The following C19orf12 variants were observed in gnomAD, a reference collection of about 807,000 sequenced individuals.
C19orf12 encodes the protein protein C19orf12.
A neutral mutation model predicts 3.8 loss-of-function variants in C19orf12; 2 were observed. The observed-to-expected ratio is 0.53, with a 90% confidence interval of 0.22 to 1.66. The LOEUF (loss-of-function observed/expected upper bound fraction) is 1.66, where lower values mean the gene tolerates loss of function less well. Ranked by LOEUF, C19orf12 falls within the 40% of genes most tolerant of loss-of-function variation. The pLI is 0.20. For synonymous variants in C19orf12, 89 were observed against 84.6 expected (o/e 1.05, Z -0.28); for missense variants, 156 against 188.8 (o/e 0.83, Z 1.02).
At chr19:29,703,378 C>CTT (rs1165470646) in intron 2 of C19orf12, among the ~76,000 whole-genome samples, 27 of 128,392 alleles carry the variant, frequency 2.1e-4, no homozygotes, top group South Asian at 1.3e-3. Flanking sequence ...TTTTTCTTTT[C>CTT]TTTTTTTTTT....
intron 2 of C19orf12, among the ~76,000 whole-genome samples, chr19:29,704,747 C>G (rs569940961): frequency 6.6e-6 from 1 of 152,286 alleles, no homozygotes; most frequent in Non-Finnish European, 1.5e-5. Context: ...TTGGGCCTTA[C>G]CCGGCCTCTC....
At chr19:29,712,866 G>C (rs189348017) in intron 1 of C19orf12, among the ~76,000 whole-genome samples, 1 of 152,300 alleles carries the variant, frequency 6.6e-6, no homozygotes, top group Non-Finnish European at 1.5e-5. Flanking sequence ...GTTTCACTGA[G>C]ACACAAGCCC....
chr19:29,714,172 T>A (rs1350204851), intron 1 of C19orf12, among the ~76,000 whole-genome samples: 1 of 152,080 alleles, frequency 6.6e-6, no homozygotes, highest in Non-Finnish European at 1.5e-5. Flanking sequence ...ACAGGTGCTA[T>A]TCCAAGATGG....
At chr19:29,706,540 C>T (rs1972385549) in intron 2 of C19orf12, among the ~76,000 whole-genome samples, 1 of 152,162 alleles carries the variant, frequency 6.6e-6, no homozygotes, top group Non-Finnish European at 1.5e-5. Flanking sequence ...AGCTATATGA[C>T]AAAATGATCC....
rs377437841 is a variant in C19orf12, at chr19:29,707,440, A to G, written c.160+814T>C. Among the ~76,000 whole-genome samples the G allele has an allele frequency of 2.2e-4, 34 of 152,354 alleles. No homozygotes were observed. In the East Asian group the frequency reaches 3.3e-3, roughly 15 times the overall value. On this transcript the variant is annotated intron_variant, in intron 2 of 2. Coordinates refer to ENST00000323670, the MANE Select transcript of C19orf12 (RefSeq NM_031448.6). The stretch of plus-strand genomic sequence containing the variant: ...GGCAGTTCTTTTGGTGGTCTCTTTC[A>G]GAACAAGGGAGCTCTCTCAGAGTGA...
At chr19:29,698,908 A>C (rs1971926408), downstream of C19orf12, 1 of 383,894 alleles carries the variant, frequency 2.6e-6, no homozygotes, top group Non-Finnish European at 5.2e-6. Context: ...CAGCAATTTC[A>C]CTTTGAGGAA....
chr19:29,715,485 C>T (rs1444954225), upstream of C19orf12: 1 of 360,300 alleles, frequency 2.8e-6, no homozygotes, highest in Non-Finnish European at 5.7e-6. Context: ...GTCCTGGGAA[C>T]CGCAAGGCCG....
intron 1 of C19orf12, among the ~76,000 whole-genome samples, chr19:29,713,699 C>A (rs1050595916): frequency 2.0e-5 from 3 of 152,152 alleles, no homozygotes; most frequent in African/African-American, 7.2e-5. Flanking sequence ...ATTTAAAAAT[C>A]AGGAGATTTT....
rs1319646022 is a variant in C19orf12 at position 29,702,842 on chromosome 19, A to T, written c.296T>A (p.Leu99Gln). 6.2e-7 allele frequency: 1 copy of T among 1,614,072 alleles called. No homozygotes were observed. ...FNEAAAIIRH[L>Q]EWTDAVQLTA... ...CAGCTGCACGGCGTCCGTCCACTCC[A>T]GGTGCCTGATGATGGCTGCGGCTTC... The change falls in exon 3 of 3, where the codon CTG (leucine) becomes CAG (glutamine). Residue 99 changes from leucine to glutamine, a missense_variant. Leu to Gln is a moderately radical substitution (Grantham distance 113). Transcript: ENST00000323670.
chr19:29,700,785 G>A lies in C19orf12; in HGVS notation c.*1927C>T, dbSNP rs975245947. On this transcript the variant is annotated 3_prime_UTR_variant, in exon 3 of 3. Transcript: ENST00000323670. ...ACCATGGGTTATAATTCACCCTGACGTCCTTACACACATGGAGGTGCCAGG... is the reference window on the plus strand; with the variant it reads ...ACCATGGGTTATAATTCACCCTGACATCCTTACACACATGGAGGTGCCAGG... The A allele has an allele frequency of 4.2e-5, 19 of 453,946 alleles. No homozygotes were observed. Among genetic ancestry groups the A allele is most frequent in the Middle Eastern group, 6.8e-4 (1 of 1,466 alleles). 28.1% of individuals were successfully genotyped at this position (453,946 alleles called of 1,614,324 possible). A position where few individuals can be genotyped will look rare whatever the true frequency, so the allele number is the denominator to read the frequency against.
chr19:29,701,101 T>A lies in C19orf12; in HGVS notation c.*1611A>T, dbSNP rs755524465. ...GCCACAAATCTGGTACCTTCCCTCT[T>A]GTTCCATTTGTAAGACTTTGAATAT... On this transcript the variant is annotated 3_prime_UTR_variant, in exon 3 of 3. Transcript: ENST00000323670. 1 of 454,166 alleles carries A rather than the reference T, an allele frequency of 2.2e-6. No individual in the cohort carries two copies. Among genetic ancestry groups the A allele is most frequent in the Non-Finnish European group, 4.4e-6 (1 of 226,800 alleles). 28.1% of individuals were successfully genotyped at this position (454,166 alleles called of 1,614,324 possible).
At chr19:29,705,286 C>T in intron 2 of C19orf12, 1 of 441,030 alleles carries the variant, frequency 2.3e-6, no homozygotes, top group South Asian at 1.6e-5. Flanking sequence ...GCCCAGTACT[C>T]CTCAAAACTA....
intron 1 of C19orf12, 29 bp downstream of exon 1, chr19:29,715,096 C>T (rs1237052524): frequency 3.2e-6 from 2 of 616,436 alleles, no homozygotes; most frequent in Admixed American, 2.9e-5. Context: ...CTGGGAGGCG[C>T]CCCGCCCCGG....
chr19:29,708,817 A>T (rs1245872795), intron 1 of C19orf12, among the ~76,000 whole-genome samples: 1 of 152,216 alleles, frequency 6.6e-6, no homozygotes, highest in Non-Finnish European at 1.5e-5. Context: ...AGAGAACGGG[A>T]AGTCCCGGCG....
rs1329691332 is a variant in C19orf12 at position 29,701,258 on chromosome 19, G to C, written c.*1454C>G. ...AGTACAGCTATGCCTCAGTATCCAT[G>C]GGGGATGGGTTCCAGGACTGCAACC... On this transcript the variant is annotated 3_prime_UTR_variant, in exon 3 of 3. Coordinates refer to ENST00000323670, the MANE Select transcript of C19orf12 (RefSeq NM_031448.6). 4 of 453,956 alleles carry C rather than the reference G, an allele frequency of 8.8e-6. No individual in the cohort carries two copies. The Admixed American group carries it at 9.4e-5, about 11-fold the overall frequency. 28.1% of individuals were successfully genotyped at this position (453,956 alleles called of 1,614,324 possible).
At position 29,709,529 on chromosome 19, in the gene C19orf12, C is replaced by CT. The variant is rs10562051; in HGVS notation, c.-10-1107dup. Among the ~76,000 whole-genome samples the CT allele has an allele frequency of 5.4e-3, 717 of 131,892 alleles. 3 individuals are homozygous for CT. Among genetic ancestry groups the CT allele is most frequent in the Non-Finnish European group, 7.2e-3 (459 of 63,478 alleles). The allele number at this position is 131,892 out of a possible 152,430, so 86.5% of individuals were successfully genotyped here. ...ATGGATAGATTCTATTGCTTATTATCTTTTTTTTTTTTTTTTTTGAGATGG... is the reference window on the plus strand; with the variant it reads ...ATGGATAGATTCTATTGCTTATTATCTTTTTTTTTTTTTTTTTTTGAGATGG... On this transcript the variant is annotated intron_variant, in intron 1 of 2. Transcript: ENST00000323670.
chr19:29,699,491 A>G lies in C19orf12; in HGVS notation c.*3221T>C, dbSNP rs1599525120. ...GTGCGAGACTCCATCTCAAAAAAAAAAAAAAGAAAAAAAGAAAAAAATATA... is the reference window on the plus strand; with the variant it reads ...GTGCGAGACTCCATCTCAAAAAAAAGAAAAAGAAAAAAAGAAAAAAATATA... On this transcript the variant is annotated 3_prime_UTR_variant, in exon 3 of 3. Coordinates refer to ENST00000323670, the MANE Select transcript of C19orf12 (RefSeq NM_031448.6). 9 of 421,238 alleles carry G rather than the reference A, an allele frequency of 2.1e-5. No individual in the cohort carries two copies. The East Asian group carries it at 4.9e-4, about 23-fold the overall frequency. The allele number at this position is 421,238 out of a possible 1,614,324, so 26.1% of individuals were successfully genotyped here.
At chr19:29,710,970 C>T (rs1430591711) in intron 1 of C19orf12, among the ~76,000 whole-genome samples, 1 of 150,848 alleles carries the variant, frequency 6.6e-6, no homozygotes, top group African/African-American at 2.4e-5. Context: ...ATCCAGTCAC[C>T]ATGGTCCTGA....
Position 29,699,366 on chromosome 19 carries a change from A to G in C19orf12, c.*3346T>C, listed in dbSNP as rs1367627046. 2.7e-6 allele frequency: 1 copy of G among 372,824 alleles called. No individual in the cohort carries two copies. Among genetic ancestry groups the G allele is most frequent in the South Asian group, 2.1e-5 (1 of 47,750 alleles). The allele number at this position is 372,824 out of a possible 1,614,324, so 23.1% of individuals were successfully genotyped here. ...GGCATGGTGGCGGGCGACTGTAGTC[A>G]AAGCTACTCGGGAGGCTGAGGCAGG... On this transcript the variant is annotated 3_prime_UTR_variant, in exon 3 of 3. Coordinates refer to ENST00000323670, the MANE Select transcript of C19orf12 (RefSeq NM_031448.6).
Sources: allele counts gnomAD v4.1 joint callset (sites outside exome capture counted in the v4.1 genomes callset), GRCh38; gene constraint gnomAD v4.1.1; transcripts MANE v1.5; gene names NCBI Gene and HGNC (gene_info 2026-07-23, HGNC 2026-07-21).